SLC35D4: variants seen among roughly 807,000 people sequenced by gnomAD.
SLC35D4 encodes the protein UDP-N-acetylglucosamine transporter SLC35D4.
At chr18:23,285,973 G>A in the SLC35D4 span, among the ~76,000 whole-genome samples, 2 of 151,974 alleles carry the variant, frequency 1.3e-5, no homozygotes, top group East Asian at 1.9e-4. Flanking sequence ...TTCATGGCTC[G>A]TTTGGCAGCA....
the SLC35D4 span, among the ~76,000 whole-genome samples, chr18:23,355,876 C>T: frequency 2.6e-5 from 4 of 152,154 alleles, no homozygotes; most frequent in Non-Finnish European, 5.9e-5. Flanking sequence ...TGGGGTTCAA[C>T]CTGGGTCAGT....
chr18:23,340,206 G>A, the SLC35D4 span, among the ~76,000 whole-genome samples: 1 of 152,158 alleles, frequency 6.6e-6, no homozygotes, highest in Non-Finnish European at 1.5e-5. Flanking sequence ...GCATGGTGGT[G>A]CGTGCCTATA....
chr18:23,298,109 A>C, the SLC35D4 span: 1 of 1,612,088 alleles, frequency 6.2e-7, no homozygotes, highest in Non-Finnish European at 8.5e-7. Flanking sequence ...CTCCCCCGGG[A>C]CCCCTGAGCT....
the SLC35D4 span, among the ~76,000 whole-genome samples, chr18:23,321,080 T>C: frequency 6.6e-6 from 1 of 152,138 alleles, no homozygotes; most frequent in Non-Finnish European, 1.5e-5. Context: ...ATATTTCCTC[T>C]TTTTGGACCA....
the SLC35D4 span, among the ~76,000 whole-genome samples, chr18:23,331,883 CT>C: frequency 8.7e-3 from 896 of 102,942 alleles, 4 homozygotes; most frequent in African/African-American, 0.029. Flanking sequence ...TTGAACATGT[CT>C]TTTTTTTTTT....
chr18:23,379,302 T>C, the SLC35D4 span, among the ~76,000 whole-genome samples: 3 of 152,076 alleles, frequency 2.0e-5, no homozygotes, highest in African/African-American at 7.2e-5. Context: ...TTTTGTATTT[T>C]TAGTAGAGAT....
the SLC35D4 span, among the ~76,000 whole-genome samples, chr18:23,335,004 C>CA: frequency 0.02 from 2,630 of 131,000 alleles, 74 homozygotes; most frequent in African/African-American, 0.065. Flanking sequence ...GACTCTGTCT[C>CA]AAAAAAAAAA....
chr18:23,401,519 A>G, the SLC35D4 span, among the ~76,000 whole-genome samples: 10 of 152,220 alleles, frequency 6.6e-5, no homozygotes, highest in African/African-American at 2.2e-4. Flanking sequence ...GTCAATTGCT[A>G]TTCTTCTAGG....
the SLC35D4 span, among the ~76,000 whole-genome samples, chr18:23,414,686 A>T: frequency 6.6e-6 from 1 of 151,940 alleles, no homozygotes; most frequent in Non-Finnish European, 1.5e-5. Flanking sequence ...AAAAAAAAAA[A>T]TTTAAGTACA....
the SLC35D4 span, chr18:23,421,254 ATAAG>A: frequency 2.2e-6 from 2 of 896,634 alleles, no homozygotes; most frequent in Non-Finnish European, 3.4e-6. Context: ...AAATAAATAA[ATAAG>A]TAAATAAATA....
At chr18:23,381,289 A>C in the SLC35D4 span, among the ~76,000 whole-genome samples, 1 of 152,204 alleles carries the variant, frequency 6.6e-6, no homozygotes, top group Non-Finnish European at 1.5e-5. Context: ...ATATATGTGC[A>C]TGGGAAAAAA....
At chr18:23,403,040 A>T in the SLC35D4 span, among the ~76,000 whole-genome samples, 1 of 152,182 alleles carries the variant, frequency 6.6e-6, no homozygotes. Context: ...TGGGAGGTGG[A>T]GGTTGCAGTG....
chr18:23,346,114 A>T, the SLC35D4 span, among the ~76,000 whole-genome samples: 10 of 152,124 alleles, frequency 6.6e-5, no homozygotes, highest in Non-Finnish European at 1.2e-4. Flanking sequence ...CAAAAAAAAA[A>T]ATATTTTTAA....
chr18:23,240,803 T>C, the SLC35D4 span, among the ~76,000 whole-genome samples: 58 of 152,362 alleles, frequency 3.8e-4, no homozygotes, highest in East Asian at 0.01. Flanking sequence ...TTTTGGGATG[T>C]CCTGTTCCTG....
the SLC35D4 span, among the ~76,000 whole-genome samples, chr18:23,279,176 C>T: frequency 6.6e-6 from 1 of 152,142 alleles, no homozygotes. Flanking sequence ...TGCCTCAAGG[C>T]CCAAGATGGA....
the SLC35D4 span, among the ~76,000 whole-genome samples, chr18:23,294,462 A>G: frequency 6.6e-6 from 1 of 152,224 alleles, no homozygotes; most frequent in Admixed American, 6.5e-5. Context: ...CCAAGAACCA[A>G]TAGAAACTGA....
chr18:23,353,630 T>C, the SLC35D4 span, among the ~76,000 whole-genome samples: 1 of 152,200 alleles, frequency 6.6e-6, no homozygotes, highest in African/African-American at 2.4e-5. Flanking sequence ...TTGGCCCTAA[T>C]GACCTGCAAA....
the SLC35D4 span, among the ~76,000 whole-genome samples, chr18:23,254,225 G>A: frequency 2.6e-5 from 4 of 152,228 alleles, no homozygotes; most frequent in Non-Finnish European, 5.9e-5. Context: ...AGAAGCCACT[G>A]TACCTGCAAG....
the SLC35D4 span, among the ~76,000 whole-genome samples, chr18:23,242,563 G>T: frequency 6.6e-6 from 1 of 152,124 alleles, no homozygotes; most frequent in East Asian, 1.9e-4. Flanking sequence ...CCTCTTTATG[G>T]GTGTGGAAGG....
Sources: allele counts gnomAD v4.1 joint callset (sites outside exome capture counted in the v4.1 genomes callset), GRCh38; gene constraint gnomAD v4.1.1; transcripts MANE v1.5; gene names NCBI Gene and HGNC (gene_info 2026-07-23, HGNC 2026-07-21).